NBAS: variants seen among roughly 807,000 people sequenced by gnomAD.
NBAS encodes the protein NBAS subunit of NRZ tethering complex.
NBAS carries 219 observed loss-of-function variants against 302.5 expected under a neutral mutation model. The observed-to-expected ratio is 0.72, with a 90% CI of 0.65 to 0.81. NBAS has a LOEUF of 0.81. NBAS is among the 30% of genes least tolerant of loss of function. The pLI is 0.00. For synonymous variants in NBAS, 1,118 were observed against 1,021.6 expected (o/e 1.09, Z -1.80); for missense variants, 2,932 against 2,841.6 (o/e 1.03, Z -0.72).
At chr2:15,355,841 C>T (rs1673588078) in intron 33 of NBAS, among the ~76,000 whole-genome samples, 2 of 151,848 alleles carry the variant, frequency 1.3e-5, no homozygotes, top group Admixed American at 6.6e-5. Context: ...AACTGTGAGC[C>T]GATTAAACCT....
At chr2:15,284,307 A>G (rs1442027253) in intron 42 of NBAS, among the ~76,000 whole-genome samples, 1 of 152,206 alleles carries the variant, frequency 6.6e-6, no homozygotes, top group African/African-American at 2.4e-5. Context: ...TTACCACTAA[A>G]TAATTTAATT....
In NBAS at chr2:15,414,688, T is replaced by G. The variant is rs1676836573; in HGVS notation, c.2937+858A>C. ...GGCCGTGCGCAGTGGCTCACGCCTG[T>G]AATCCCAGCACTTTAGGAGGCCGAG... On this transcript the variant is annotated intron_variant, in intron 25 of 51. Coordinates refer to ENST00000281513, the MANE Select transcript of NBAS (RefSeq NM_015909.4). 2.0e-5 allele frequency among the ~76,000 whole-genome samples: 3 copies of G among 152,238 alleles called. No individual in the cohort carries two copies. The South Asian group carries it at 6.2e-4, about 31-fold the overall frequency.
intron 6 of NBAS, among the ~76,000 whole-genome samples, chr2:15,543,605 C>G (rs1033089799): frequency 6.6e-6 from 1 of 152,178 alleles, no homozygotes; most frequent in Non-Finnish European, 1.5e-5. Context: ...CAAGACCCAT[C>G]GTGCATGGAT....
At chr2:15,286,018 T>C (rs144662953) in intron 42 of NBAS, among the ~76,000 whole-genome samples, 1 of 152,294 alleles carries the variant, frequency 6.6e-6, no homozygotes, top group East Asian at 1.9e-4. Context: ...GTGCTTCCTG[T>C]CTCACGGAGT....
At chr2:15,376,521 C>A (rs538841400) in intron 30 of NBAS, among the ~76,000 whole-genome samples, 8 of 152,228 alleles carry the variant, frequency 5.3e-5, no homozygotes, top group African/African-American at 1.9e-4. Flanking sequence ...AAAGAGCTAA[C>A]TGCTTTAAAC....
the NBAS span, among the ~76,000 whole-genome samples, chr2:15,035,694 A>G: frequency 2.6e-5 from 4 of 152,196 alleles, no homozygotes; most frequent in Non-Finnish European, 5.9e-5. Context: ...TTGCAGGGAC[A>G]TGGATGGAGC....
At chr2:15,399,574 C>T (rs1005183932) in intron 26 of NBAS, among the ~76,000 whole-genome samples, 1 of 151,780 alleles carries the variant, frequency 6.6e-6, no homozygotes, top group African/African-American at 2.4e-5. Flanking sequence ...AGGTACAGGT[C>T]TGAATAACAA....
At chr2:14,953,536 T>C in the NBAS span, among the ~76,000 whole-genome samples, 2 of 152,148 alleles carry the variant, frequency 1.3e-5, no homozygotes, top group African/African-American at 2.4e-5. Context: ...CCTAGCCCCA[T>C]GGAGTGGTGG....
the NBAS span, among the ~76,000 whole-genome samples, chr2:15,041,731 G>A: frequency 1.3e-3 from 193 of 152,300 alleles, 2 homozygotes; most frequent in African/African-American, 4.2e-3. Flanking sequence ...CACTCTACCC[G>A]GCAGCTGTCC....
At chr2:15,227,797 A>C (rs1558455117) in intron 47 of NBAS, among the ~76,000 whole-genome samples, 1 of 152,192 alleles carries the variant, frequency 6.6e-6, no homozygotes, top group South Asian at 2.1e-4. Context: ...AAAGAATGAA[A>C]CTGGACTTCT....
At chr2:15,096,174 GA>G in the NBAS span, among the ~76,000 whole-genome samples, 1 of 152,342 alleles carries the variant, frequency 6.6e-6, no homozygotes, top group Admixed American at 6.5e-5. Context: ...ACACAAGGCT[GA>G]ACAGTTGTCC....
At chr2:15,116,889 AT>A in the NBAS span, among the ~76,000 whole-genome samples, 4 of 152,172 alleles carry the variant, frequency 2.6e-5, no homozygotes, top group African/African-American at 9.7e-5. Flanking sequence ...TCAGAAAAAA[AT>A]CACATTAAAT....
chr2:14,916,039 G>A, the NBAS span, among the ~76,000 whole-genome samples: 1 of 152,088 alleles, frequency 6.6e-6, no homozygotes, highest in Admixed American at 6.5e-5. Context: ...TCTCAGGTAT[G>A]TCTTTATCAG....
chr2:15,200,708 T>G (rs770900778), intron 48 of NBAS, among the ~76,000 whole-genome samples: 5 of 152,200 alleles, frequency 3.3e-5, no homozygotes, highest in Non-Finnish European at 1.5e-5. Flanking sequence ...TTGAATTAGG[T>G]GACTTTTGCC....
At chr2:15,456,721 ATAAAT>A (rs1466977505) in intron 21 of NBAS, among the ~76,000 whole-genome samples, 7 of 152,224 alleles carry the variant, frequency 4.6e-5, no homozygotes. Context: ...GAAACAGACA[ATAAAT>A]AAGATAAATA....
At chr2:15,368,998 A>T (rs1467170591) in intron 31 of NBAS, among the ~76,000 whole-genome samples, 1 of 152,216 alleles carries the variant, frequency 6.6e-6, no homozygotes, top group Non-Finnish European at 1.5e-5. Context: ...AAGCCTTTCC[A>T]TACCTTATCA....
chr2:15,167,428 C>A, intron 51 of NBAS, 105 bp from the exon 52 acceptor site: 1 of 1,439,324 alleles, frequency 6.9e-7, no homozygotes, highest in Non-Finnish European at 9.6e-7. Flanking sequence ...CATTCATGCC[C>A]TGGCCTGGGT....
the NBAS span, among the ~76,000 whole-genome samples, chr2:14,856,336 A>G: frequency 6.6e-6 from 1 of 152,202 alleles, no homozygotes; most frequent in Admixed American, 6.5e-5. Context: ...GGCTACAAAT[A>G]AGTCCAGACA....
At position 15,275,563 on chromosome 2, in the gene NBAS, T is replaced by C; in HGVS notation, c.5645A>G (p.Lys1882Arg). ...ACCTGGGTGGAGACGATCAAAGTAC[T>C]TCATGCAGACATCATAGGCATGAAG... Reference protein sequence around the residue: ...EWLHAYDVCMKYFDRLHPGDL... With the variant: ...EWLHAYDVCMRYFDRLHPGDL... Residue 1882 changes from lysine (K) to arginine (R), a missense_variant, in exon 44 of 52, where the codon AAG becomes AGG. Transcript: ENST00000281513. 4 of 1,614,056 alleles carry C rather than the reference T, an allele frequency of 2.5e-6. No homozygotes were observed. Among genetic ancestry groups the C allele is most frequent in the Non-Finnish European group, 3.4e-6 (4 of 1,179,994 alleles).
Sources: allele counts gnomAD v4.1 joint callset (sites outside exome capture counted in the v4.1 genomes callset), GRCh38; gene constraint gnomAD v4.1.1; transcripts MANE v1.5; gene names NCBI Gene and HGNC (gene_info 2026-07-23, HGNC 2026-07-21).